HTR2C: variants seen among roughly 807,000 people sequenced by gnomAD.
HTR2C encodes 5-hydroxytryptamine (serotonin) receptor 2C, G protein-coupled.
Under a neutral mutation model 21.0 loss-of-function variants are expected in HTR2C, and 5 were observed. The observed-to-expected ratio is 0.24, with a 90% confidence interval of 0.12 to 0.50. HTR2C has a LOEUF of 0.50. Ranked by LOEUF, HTR2C falls within the 20% of genes least tolerant of loss-of-function variation. The pLI is 0.98. For synonymous variants in HTR2C, 150 were observed against 145.3 expected (o/e 1.03, Z -0.23); for missense variants, 271 against 371.2 (o/e 0.73, Z 2.22).
chrX:114,893,484 C>T (rs1220154911), intron 5 of HTR2C, among the ~76,000 whole-genome samples: 2 of 111,082 alleles, frequency 1.8e-5, no homozygotes, highest in African/African-American at 6.5e-5. Context: ...TGTTCTGAGG[C>T]TTATGTACAA....
intron 2 of HTR2C, among the ~76,000 whole-genome samples, chrX:114,620,910 T>TG (rs1434804386): frequency 9.0e-6 from 1 of 111,485 alleles, no homozygotes; most frequent in African/African-American, 3.3e-5. Flanking sequence ...AGAGGAGTCT[T>TG]GCTCTGTAGC....
intron 2 of HTR2C, among the ~76,000 whole-genome samples, chrX:114,625,825 G>A (rs1377389468): frequency 9.0e-6 from 1 of 111,042 alleles, no homozygotes; most frequent in Non-Finnish European, 1.9e-5. Flanking sequence ...GGAAACCAAT[G>A]AGTGTTGAAT....
chrX:114,709,263 A>G (rs985825866), intron 2 of HTR2C, among the ~76,000 whole-genome samples: 5 of 111,781 alleles, frequency 4.5e-5, no homozygotes, highest in African/African-American at 1.6e-4. Context: ...TCAGATATCA[A>G]GATTGCTATT....
chrX:114,732,302 A>G (rs1190525822), intron 4 of HTR2C, among the ~76,000 whole-genome samples: 1 of 111,875 alleles, frequency 8.9e-6, no homozygotes, highest in East Asian at 2.8e-4. Context: ...TCTAGCTAAT[A>G]TTTATGATGA....
intron 4 of HTR2C, among the ~76,000 whole-genome samples, chrX:114,769,184 C>CA (rs1334623058): frequency 1.8e-5 from 2 of 111,475 alleles, no homozygotes; most frequent in South Asian, 3.7e-4. Flanking sequence ...ATGACTACTA[C>CA]AGCAAAGCTG....
At chrX:114,606,420 C>G (rs1928433036) in intron 1 of HTR2C, among the ~76,000 whole-genome samples, 1 of 111,681 alleles carries the variant, frequency 9.0e-6, no homozygotes, top group Non-Finnish European at 1.9e-5. Context: ...GGTGTATAAT[C>G]AGAGAGGCGT....
At chrX:114,854,331 C>T (rs2070941840) in intron 5 of HTR2C, among the ~76,000 whole-genome samples, 1 of 111,157 alleles carries the variant, frequency 9.0e-6, no homozygotes, top group African/African-American at 3.3e-5. Context: ...TACATGTTAA[C>T]ATAAATAATT....
At chrX:114,858,364 A>T (rs1448835022) in intron 5 of HTR2C, among the ~76,000 whole-genome samples, 3 of 110,970 alleles carry the variant, frequency 2.7e-5, no homozygotes, top group African/African-American at 9.8e-5. Flanking sequence ...ATAATCTACT[A>T]TTTATTTAGG....
intron 5 of HTR2C, among the ~76,000 whole-genome samples, chrX:114,851,219 C>A (rs1225784283): frequency 9.0e-6 from 1 of 111,631 alleles, no homozygotes; most frequent in Non-Finnish European, 1.9e-5. Flanking sequence ...AATTAACAAA[C>A]CTGAACTCAC....
chrX:114,723,383 G>T (rs1933305275), intron 2 of HTR2C, among the ~76,000 whole-genome samples: 1 of 111,134 alleles, frequency 9.0e-6, no homozygotes, highest in African/African-American at 3.3e-5. Flanking sequence ...ATTTTTTATT[G>T]CGTCTATTTG....
At chrX:114,772,597 A>G (rs1431761368) in intron 4 of HTR2C, among the ~76,000 whole-genome samples, 1 of 110,874 alleles carries the variant, frequency 9.0e-6, no homozygotes, top group East Asian at 2.8e-4. Flanking sequence ...TTATGGGATC[A>G]AGGGAAATCA....
At chrX:114,606,574 A>G (rs1928443409) in intron 1 of HTR2C, among the ~76,000 whole-genome samples, 1 of 112,003 alleles carries the variant, frequency 8.9e-6, no homozygotes, top group Admixed American at 9.4e-5. Flanking sequence ...GAGAGATTGA[A>G]GAGTGGAAAG....
At chrX:114,835,393 C>T (rs2070771909) in intron 4 of HTR2C, among the ~76,000 whole-genome samples, 1 of 108,403 alleles carries the variant, frequency 9.2e-6, no homozygotes, top group African/African-American at 3.3e-5. Context: ...TTCTTGGAGG[C>T]TTTTTTGGTT....
At chrX:114,652,020 C>G (rs1930595563) in intron 2 of HTR2C, among the ~76,000 whole-genome samples, 1 of 111,694 alleles carries the variant, frequency 9.0e-6, no homozygotes, top group African/African-American at 3.2e-5. Flanking sequence ...AATTTTACCT[C>G]ATGATGATAT....
chrX:114,758,030 C>A (rs1046353396), intron 4 of HTR2C, among the ~76,000 whole-genome samples: 1 of 110,974 alleles, frequency 9.0e-6, no homozygotes, highest in African/African-American at 3.3e-5. Context: ...ACCATGTAAT[C>A]CTATGCCTCT....
intron 2 of HTR2C, among the ~76,000 whole-genome samples, chrX:114,627,441 G>T (rs190231697): frequency 5.4e-4 from 60 of 111,307 alleles, no homozygotes; most frequent in Non-Finnish European, 1.0e-3. Flanking sequence ...GGAATTACTG[G>T]GGTTGCAGAA....
chrX:114,782,675 A>G (rs1556440913), intron 4 of HTR2C, among the ~76,000 whole-genome samples: 1 of 110,745 alleles, frequency 9.0e-6, no homozygotes, highest in African/African-American at 3.3e-5. Flanking sequence ...CTGTGATTGC[A>G]CCAACGCACT....
intron 2 of HTR2C, among the ~76,000 whole-genome samples, chrX:114,653,966 G>T (rs1369820101): frequency 9.1e-6 from 1 of 110,154 alleles, no homozygotes; most frequent in Non-Finnish European, 1.9e-5. Context: ...AACCTTGTCT[G>T]TCTCATACTC....
chrX:114,726,830 T>G (rs1933511943), intron 2 of HTR2C, 28 bp from the exon 3 acceptor site: 2 of 512,951 alleles, frequency 3.9e-6, no homozygotes, highest in Non-Finnish European at 6.4e-6. Flanking sequence ...TTTAACTAAT[T>G]TTCTCTTTCT....
Sources: allele counts gnomAD v4.1 joint callset (sites outside exome capture counted in the v4.1 genomes callset), GRCh38; gene constraint gnomAD v4.1.1; transcripts MANE v1.5; gene names NCBI Gene and HGNC (gene_info 2026-07-23, HGNC 2026-07-21).